Variants in LRRN1 observed in about 807,000 individuals in gnomAD.
The protein encoded by LRRN1 is leucine rich repeat neuronal 1, also known as leucine-rich repeat neuronal protein 1.
A neutral mutation model predicts 45.8 loss-of-function variants in LRRN1; 14 were observed. That is an observed-to-expected ratio of 0.31 (90% CI 0.20 to 0.48). The LOEUF (loss-of-function observed/expected upper bound fraction) is 0.48, where lower values mean the gene tolerates loss of function less well. Ranked by LOEUF, LRRN1 falls within the 20% of genes least tolerant of loss-of-function variation. The probability of loss-of-function intolerance (pLI) is 0.99; values close to 1 mark genes in which losing one functional copy is unlikely to be tolerated. For missense variants in LRRN1, 789 were observed against 874.2 expected, an observed-to-expected ratio of 0.90 and a Z score of 1.23; for synonymous variants, 359 against 330.1, an observed-to-expected ratio of 1.09 and a Z score of -0.95.
intron 1 of LRRN1, among the ~76,000 whole-genome samples, chr3:3,814,474 C>T (rs1692948018): frequency 6.6e-6 from 1 of 151,900 alleles, no homozygotes; most frequent in Admixed American, 6.6e-5. Context: ...GTTGTTTGCC[C>T]ATCCTTTGTG....
chr3:3,804,358 A>C (rs1284165779), intron 1 of LRRN1, among the ~76,000 whole-genome samples: 1 of 152,202 alleles, frequency 6.6e-6, no homozygotes, highest in Non-Finnish European at 1.5e-5. Flanking sequence ...CCAGTACCAC[A>C]ATTAACATCA....
chr3:3,827,347 T>C (rs922737809), intron 1 of LRRN1: 2 of 408,094 alleles, frequency 4.9e-6, no homozygotes, highest in Admixed American at 2.8e-5. Context: ...CCTTGTTAAG[T>C]ATCACAATCA....
intron 1 of LRRN1, among the ~76,000 whole-genome samples, chr3:3,809,453 A>G (rs1293157328): frequency 6.6e-6 from 1 of 152,194 alleles, no homozygotes; most frequent in East Asian, 1.9e-4. Flanking sequence ...CATGAAAAGT[A>G]TTGAATGATT....
chr3:3,839,637 A>T (rs1408258895), intron 1 of LRRN1, among the ~76,000 whole-genome samples: 1 of 152,120 alleles, frequency 6.6e-6, no homozygotes, highest in South Asian at 2.1e-4. Flanking sequence ...CATTGTGTTT[A>T]TATCATCTTT....
chr3:3,846,032 G>C lies in LRRN1; in HGVS notation c.1391G>C (p.Gly464Ala). The change falls in exon 2 of 2, where the codon GGA (glycine) becomes GCA (alanine). Residue 464 changes from glycine to alanine, a missense_variant. By Grantham distance (60) the Gly-to-Ala change is moderately conservative. Transcript: ENST00000319331. This position sits in a 1 kb window ranked among gnomAD's most constrained non-coding sequence, Gnocchi z 5.7. ...GAAATTTACTGGGTCACTCCCATTG[G>C]AAATAAGATAACTGTGGAAACCCTT... Reference protein sequence around the residue: ...EPEIYWVTPIGNKITVETLSD... With the variant: ...EPEIYWVTPIANKITVETLSD... 1 of 1,614,056 alleles carries C rather than the reference G, an allele frequency of 6.2e-7. No individual in the cohort carries two copies. Among genetic ancestry groups the C allele is most frequent in the Non-Finnish European group, 8.5e-7 (1 of 1,179,958 alleles).
intron 1 of LRRN1, among the ~76,000 whole-genome samples, chr3:3,839,400 C>T (rs1010878150): frequency 1.3e-5 from 2 of 152,124 alleles, no homozygotes; most frequent in African/African-American, 2.4e-5. Flanking sequence ...TGTTGCCTTA[C>T]AGTATGTATT....
In LRRN1 at chr3:3,845,758, C is replaced by T. The variant is rs1575305361; in HGVS notation, c.1117C>T (p.Leu373Phe). The T allele has an allele frequency of 6.2e-7, 1 of 1,614,142 alleles. No individual in the cohort carries two copies. Among genetic ancestry groups the T allele is most frequent in the Non-Finnish European group, 8.5e-7 (1 of 1,180,024 alleles). The change falls in exon 2 of 2, where the codon CTC (leucine) becomes TTC (phenylalanine). Residue 373 changes from leucine to phenylalanine, a missense_variant. By Grantham distance (22) the Leu-to-Phe change is conservative (BLOSUM62 0). Coordinates refer to ENST00000319331, the MANE Select transcript of LRRN1 (RefSeq NM_020873.7). The surrounding 1 kb of genome is among the most constrained non-coding windows in gnomAD (Gnocchi z 6.5). Reference sequence around the variant, plus strand: ...TGAGATCAGTATCCATAGCAATCCCCTCAGGTGTGACTGTGTGATCCACTG... The same window carrying T: ...TGAGATCAGTATCCATAGCAATCCCTTCAGGTGTGACTGTGTGATCCACTG... ...LREISIHSNP[L>F]RCDCVIHWIN... is the part of the protein sequence containing the mutation.
intron 1 of LRRN1, among the ~76,000 whole-genome samples, chr3:3,823,830 G>C (rs367576843): frequency 2.6e-5 from 4 of 152,104 alleles, no homozygotes. Context: ...CAAGTGTTTT[G>C]CTCCCAATCA....
rs939090829 is a variant in LRRN1 at position 3,846,985 on chromosome 3, T to C, written c.*193T>C. On this transcript the variant is annotated 3_prime_UTR_variant, in exon 2 of 2. Transcript: ENST00000319331. The surrounding 1 kb of genome is among the most constrained non-coding windows in gnomAD (Gnocchi z 5.7). ...GGTTTGACACGGCTGCCAGCGACTC[T>C]AGGCTTCCAGTCTGTGTTTGGTTTT... 3 of 473,946 alleles carry C rather than the reference T, an allele frequency of 6.3e-6. No homozygotes were observed. Among genetic ancestry groups the C allele is most frequent in the African/African-American group, 4.0e-5 (2 of 50,274 alleles). The allele number at this position is 473,946 out of a possible 1,614,324, so 29.4% of individuals were successfully genotyped here. A position where few individuals can be genotyped will look rare whatever the true frequency, so the allele number is the denominator to read the frequency against.
At chr3:3,809,559 G>T (rs1046115036) in intron 1 of LRRN1, among the ~76,000 whole-genome samples, 5 of 152,240 alleles carry the variant, frequency 3.3e-5, no homozygotes, top group Non-Finnish European at 7.3e-5. Flanking sequence ...TGACATGCAA[G>T]TGAAGCATCA....
At chr3:3,808,356 A>T (rs1043881187) in intron 1 of LRRN1, among the ~76,000 whole-genome samples, 3 of 152,186 alleles carry the variant, frequency 2.0e-5, no homozygotes, top group Admixed American at 6.5e-5. Context: ...TGTAATGTAG[A>T]CACCCACTTT....
intron 1 of LRRN1, among the ~76,000 whole-genome samples, chr3:3,842,587 A>G (rs1693673644): frequency 6.6e-6 from 1 of 152,280 alleles, no homozygotes; most frequent in Admixed American, 6.5e-5. Flanking sequence ...CGAAAGGTTA[A>G]TAATAGCAGC....
chr3:3,806,026 T>A (rs1404768855), intron 1 of LRRN1, among the ~76,000 whole-genome samples: 3 of 151,656 alleles, frequency 2.0e-5, no homozygotes, highest in Non-Finnish European at 4.4e-5. Flanking sequence ...CCAAGGGTGA[T>A]TTTTGCCTCT....
At chr3:3,800,541 GGA>G (rs1692625321) in intron 1 of LRRN1, among the ~76,000 whole-genome samples, 1 of 151,908 alleles carries the variant, frequency 6.6e-6, no homozygotes, top group Non-Finnish European at 1.5e-5. Context: ...GTCCACGCGG[GGA>G]CAGACCTCAG....
intron 1 of LRRN1, among the ~76,000 whole-genome samples, chr3:3,830,605 T>A (rs1693347540): frequency 6.6e-6 from 1 of 152,196 alleles, no homozygotes; most frequent in African/African-American, 2.4e-5. Flanking sequence ...GAACTCCCCA[T>A]GAGGCCATCA....
At chr3:3,817,414 G>A (rs1466875988) in intron 1 of LRRN1, among the ~76,000 whole-genome samples, 3 of 152,212 alleles carry the variant, frequency 2.0e-5, no homozygotes, top group Non-Finnish European at 2.9e-5. Context: ...GTTCTATCAA[G>A]TCAAAGGACA....
chr3:3,844,896 A>C lies in LRRN1; in HGVS notation c.255A>C (p.Ala85=), dbSNP rs4685689. The C allele has an allele frequency of 6.2e-7, 1 of 1,614,188 alleles. No homozygotes were observed. Among genetic ancestry groups the C allele is most frequent in the Non-Finnish European group, 8.5e-7 (1 of 1,180,040 alleles). ...TTCTCTTACAGAGCAATAACATCGC[A>C]AAGACTGTGGATGAGCTGCAGCAGC... is the stretch of plus-strand genomic sequence containing the variant. ...QVLLLQSNNI[A]KTVDELQQLF... Residue 85 remains alanine (A), a synonymous_variant, in exon 2 of 2, where the codon GCA becomes GCC. Transcript: ENST00000319331.
At chr3:3,818,589 T>C (rs1217602025) in intron 1 of LRRN1, among the ~76,000 whole-genome samples, 1 of 152,214 alleles carries the variant, frequency 6.6e-6, no homozygotes, top group Non-Finnish European at 1.5e-5. Context: ...TTGCCTGTCA[T>C]AGAATCTTGG....
In LRRN1 at chr3:3,848,328, G is replaced by T. The variant is rs1420454218; in HGVS notation, c.*1536G>T. 3.9e-5 allele frequency among the ~76,000 whole-genome samples: 6 copies of T among 152,150 alleles called. No homozygotes were observed. Among genetic ancestry groups the T allele is most frequent in the African/African-American group, 1.4e-4 (6 of 41,430 alleles). On this transcript the variant is annotated 3_prime_UTR_variant, in exon 2 of 2. Coordinates refer to ENST00000319331, the MANE Select transcript of LRRN1 (RefSeq NM_020873.7). ...GTAACATTTAGAGCAGATGGAACTA[G>T]GTTTAGGTAGAAGGCCAGTTCCACA...
Sources: gnomAD v4.1 joint callset for allele counts (sites outside exome capture counted in the v4.1 genomes callset) on GRCh38, gnomAD v4.1.1 for gene constraint, Gnocchi (gnomAD v3.1) non-coding constraint, MANE v1.5 for transcripts, NCBI Gene and HGNC (gene_info 2026-07-23, HGNC 2026-07-21) for gene names.